Variants in RIPK4 observed in about 807,000 individuals in gnomAD.
The protein encoded by RIPK4 is receptor interacting serine/threonine kinase 4, also known as receptor-interacting serine/threonine-protein kinase 4.
A neutral mutation model predicts 42.9 loss-of-function variants in RIPK4; 17 were observed. The observed-to-expected ratio is 0.40, with a 90% CI of 0.27 to 0.59. The LOEUF (loss-of-function observed/expected upper bound fraction) is 0.59. Ranked by LOEUF, RIPK4 falls within the 20% of genes least tolerant of loss-of-function variation. The pLI is 0.47. For synonymous variants in RIPK4, 498 were observed against 499.1 expected (o/e 1.00, Z 0.03); for missense variants, 897 against 1,104.4 (o/e 0.81, Z 2.66).
At position 41,766,943 on chromosome 21, in the gene RIPK4, G is replaced by C. The variant is rs1250176659; in HGVS notation, c.99C>G (p.Phe33Leu). The change falls in exon 1 of 8, where the codon TTC becomes TTG. Residue 33 changes from phenylalanine (F) to leucine (L), a missense_variant. Physicochemically the swap from Phe to Leu is conservative, Grantham distance 22. Coordinates refer to ENST00000332512, the MANE Select transcript of RIPK4 (RefSeq NM_020639.3). ...CATGGCGCACCTTGTACACCTGCCC[G>C]AAGCCGCCCGAGCCCACCTTCTCCC... Reference protein sequence around the residue: ...TGWEKVGSGGFGQVYKVRHVH... With the variant: ...TGWEKVGSGGLGQVYKVRHVH... 2 of 1,609,306 alleles carry C rather than the reference G, an allele frequency of 1.2e-6. No homozygotes were observed. Among genetic ancestry groups the C allele is most frequent in the Non-Finnish European group, 1.7e-6 (2 of 1,178,236 alleles).
rs1175261184 is a variant in RIPK4, at chr21:41,755,671, G to A, written c.474+854C>T. On this transcript the variant is annotated intron_variant, in intron 2 of 7. Coordinates refer to ENST00000332512, the MANE Select transcript of RIPK4 (RefSeq NM_020639.3). The surrounding 1 kb of genome is among the most constrained non-coding windows in gnomAD (Gnocchi z 4.2). Reference sequence around the variant, plus strand: ...GGCTCTCGGCTCCTTCTCACTCCCAGGGCAGACACCAGTGTCATGTGGACC... The same window carrying A: ...GGCTCTCGGCTCCTTCTCACTCCCAAGGCAGACACCAGTGTCATGTGGACC... Among the ~76,000 whole-genome samples, 1 of 152,168 alleles carries A rather than the reference G, an allele frequency of 6.6e-6. No individual in the cohort carries two copies.
intron 6 of RIPK4, among the ~76,000 whole-genome samples, chr21:41,744,354 C>T (rs1465098553): frequency 1.3e-5 from 2 of 151,632 alleles, no homozygotes; most frequent in East Asian, 3.9e-4. Context: ...GTCCACACAG[C>T]GCCGCGGAGC....
Position 41,751,725 on chromosome 21 carries a change from G to A in RIPK4, c.475-480C>T, listed in dbSNP as rs932619528. Among the ~76,000 whole-genome samples the A allele has an allele frequency of 6.6e-6, 1 of 152,214 alleles. No homozygotes were observed. Among genetic ancestry groups the A allele is most frequent in the Non-Finnish European group, 1.5e-5 (1 of 68,026 alleles). ...TGGGGAGGCTGGCGGGCAAGTGGCTGCAAGTCCTTTAAAGGGAAACACAGA... is the reference window on the plus strand; with the variant it reads ...TGGGGAGGCTGGCGGGCAAGTGGCTACAAGTCCTTTAAAGGGAAACACAGA... On this transcript the variant is annotated intron_variant, in intron 2 of 7. Transcript: ENST00000332512. This position sits in a 1 kb window ranked among gnomAD's most constrained non-coding sequence, Gnocchi z 4.5.
Position 41,751,340 on chromosome 21 carries a change from G to T in RIPK4, c.475-95C>A. The stretch of plus-strand genomic sequence containing the variant: ...GCTCCCTTCTGCAATCTCAGAGGGT[G>T]GGTGAGAGCTTTCCAGGAGCCCCTA... On this transcript the variant is annotated intron_variant, in intron 2 of 7. Transcript: ENST00000332512. The surrounding 1 kb of genome is among the most constrained non-coding windows in gnomAD (Gnocchi z 4.5). The T allele has an allele frequency of 6.6e-7, 1 of 1,505,128 alleles. No homozygotes were observed. The allele number at this position is 1,505,128 out of a possible 1,614,324, so 93.2% of individuals were successfully genotyped here.
chr21:41,741,571 A>C lies in RIPK4; in HGVS notation c.1622T>G (p.Met541Arg). The change falls in exon 8 of 8, where the codon ATG (methionine) becomes AGG (arginine). Residue 541 changes from methionine (M) to arginine (R), a missense_variant. Physicochemically the swap from Met to Arg is moderately conservative, Grantham distance 91. Coordinates refer to ENST00000332512, the MANE Select transcript of RIPK4 (RefSeq NM_020639.3). Reference sequence around the variant, plus strand: ...CTGCCCGTGCTGGCAGGCCACGTGCATGGGCGTCCGGCCCTCAAAGTCCAC... The same window carrying C: ...CTGCCCGTGCTGGCAGGCCACGTGCCTGGGCGTCCGGCCCTCAAAGTCCAC... ...NEVDFEGRTP[M>R]HVACQHGQEN... 1 of 1,611,916 alleles carries C rather than the reference A, an allele frequency of 6.2e-7. No homozygotes were observed. Among genetic ancestry groups the C allele is most frequent in the South Asian group, 1.1e-5 (1 of 91,092 alleles).
intron 1 of RIPK4, 42 bp from the exon 2 acceptor site, chr21:41,756,858 C>A: frequency 6.3e-7 from 1 of 1,584,562 alleles, no homozygotes; most frequent in South Asian, 1.1e-5. Context: ...AATGGTCACT[C>A]AGCCACAAAC....
At position 41,751,333 on chromosome 21, in the gene RIPK4, A is replaced by C; in HGVS notation, c.475-88T>G. 33 of 1,536,416 alleles carry C rather than the reference A, an allele frequency of 2.1e-5. No individual in the cohort carries two copies. The highest frequency in any genetic ancestry group is 2.8e-5 in the Non-Finnish European group (32 of 1,132,218). On this transcript the variant is annotated intron_variant, in intron 2 of 7. Transcript: ENST00000332512. The surrounding 1 kb of genome is among the most constrained non-coding windows in gnomAD (Gnocchi z 4.5). ...ATCAAAAGCTCCCTTCTGCAATCTC[A>C]GAGGGTGGGTGAGAGCTTTCCAGGA...
At chr21:41,766,784 C>A in intron 1 of RIPK4, 76 bp downstream of exon 1, 1 of 1,452,896 alleles carries the variant, frequency 6.9e-7, no homozygotes, top group South Asian at 1.3e-5. Context: ...AGAGGCAGGA[C>A]CCCGGGACCA....
intron 1 of RIPK4, among the ~76,000 whole-genome samples, chr21:41,762,539 C>T (rs536757240): frequency 2.0e-5 from 3 of 152,184 alleles, no homozygotes; most frequent in Non-Finnish European, 1.5e-5. Context: ...TGTCGCCCGG[C>T]GGCATTTGCA....
At chr21:41,743,128 C>A (rs7278103) in intron 7 of RIPK4, among the ~76,000 whole-genome samples, 18,239 of 152,120 alleles carry the variant, frequency 0.12, 1,269 homozygotes, top group East Asian at 0.3. Flanking sequence ...GAGATTGCAG[C>A]CTTGGCCCTC....
At position 41,756,811 on chromosome 21, in the gene RIPK4, C is replaced by A. The variant is rs1347063857; in HGVS notation, c.188G>T (p.Arg63Leu). 1.2e-6 allele frequency: 2 copies of A among 1,611,230 alleles called. No individual in the cohort carries two copies. Among genetic ancestry groups the A allele is most frequent in the Non-Finnish European group, 8.5e-7 (1 of 1,177,904 alleles). The change falls in exon 2 of 8, where the codon CGC (arginine) becomes CTC (leucine). Residue 63 changes from arginine to leucine, a missense_variant. Coordinates refer to ENST00000332512, the MANE Select transcript of RIPK4 (RefSeq NM_020639.3). ...CTTGGCTTCTTCCAAAAGCTCCATG[C>A]GCTCCCTGAAAAAGTTCAAAGGCAT... The part of the protein sequence containing the change: ...SPSLHVDDRE[R>L]MELLEEAKKM...
intron 6 of RIPK4, among the ~76,000 whole-genome samples, chr21:41,745,414 G>A (rs142722358): frequency 7.9e-5 from 12 of 152,300 alleles, no homozygotes; most frequent in African/African-American, 2.2e-4. Flanking sequence ...CTGGATCCCC[G>A]AGCCAGGGGT....
Position 41,741,648 on chromosome 21 carries a change from C to T in RIPK4, c.1545G>A (p.Gly515=), listed in dbSNP as rs1273767052. The T allele has an allele frequency of 3.7e-6, 6 of 1,613,526 alleles. No homozygotes were observed. The highest frequency in any genetic ancestry group is 4.2e-6 in the Non-Finnish European group (5 of 1,180,012). The change falls in exon 8 of 8, where the codon GGG becomes GGA. Residue 515 remains glycine (G), a synonymous_variant. Coordinates refer to ENST00000332512, the MANE Select transcript of RIPK4 (RefSeq NM_020639.3). The stretch of plus-strand genomic sequence containing the variant: ...ACAGCAGCCGTGTGCTAGACTCGTC[C>T]CCGTTCTGGGCTGCAAAGTGGAGGG... ...WTALHFAAQN[G]DESSTRLLLE...
chr21:41,744,358 G>A (rs1259447376), intron 6 of RIPK4, among the ~76,000 whole-genome samples: 1 of 151,802 alleles, frequency 6.6e-6, no homozygotes, highest in East Asian at 1.9e-4. Context: ...ACACAGCGCC[G>A]CGGAGCTCAG....
rs1366141676 is a variant in RIPK4 at position 41,741,674 on chromosome 21, C to T, written c.1519G>A (p.Ala507Thr). 1.2e-6 allele frequency: 2 copies of T among 1,613,772 alleles called. No individual in the cohort carries two copies. The highest frequency in any genetic ancestry group is 1.7e-5 in the Admixed American group (1 of 60,030). Residue 507 changes from alanine (A) to threonine (T), a missense_variant, in exon 8 of 8, where the codon GCC becomes ACC. By Grantham distance (58) the Ala-to-Thr change is moderately conservative. Transcript: ENST00000332512. The part of the protein sequence containing the change: ...VNAKDEDQWT[A>T]LHFAAQNGDE... The stretch of plus-strand genomic sequence containing the variant: ...CCGTTCTGGGCTGCAAAGTGGAGGG[C>T]TGTCCACTGGTCCTCATCCTTGGCG...
chr21:41,746,642 C>T lies in RIPK4; in HGVS notation c.803G>A (p.Gly268Glu). Residue 268 changes from glycine (G) to glutamate (E), a missense_variant, in exon 5 of 8, where the codon GGG becomes GAG. By Grantham distance (98) the Gly-to-Glu change is moderately conservative. Coordinates refer to ENST00000332512, the MANE Select transcript of RIPK4 (RefSeq NM_020639.3). ...LIRLMQRCWQ[G>E]DPRVRPTFQE... ...GAAGGTGGGCCTAACTCGCGGATCC[C>T]CCTGCCAGCACCGCTGCATGAGGCG... The T allele has an allele frequency of 1.2e-6, 2 of 1,610,808 alleles. No homozygotes were observed. The highest frequency in any genetic ancestry group is 1.7e-6 in the Non-Finnish European group (2 of 1,179,782).
In RIPK4 at chr21:41,742,474, C is replaced by T. The variant is rs757789121; in HGVS notation, c.1196-477G>A. On this transcript the variant is annotated intron_variant, in intron 7 of 7. Transcript: ENST00000332512. This position sits in a 1 kb window ranked among gnomAD's most constrained non-coding sequence, Gnocchi z 5.1. Reference sequence around the variant, plus strand: ...GGCTGCTCCAGCTCTTGCCCCACCTCGAAGTGGCACCTCCTGACCTGGGGA... The same window carrying T: ...GGCTGCTCCAGCTCTTGCCCCACCTTGAAGTGGCACCTCCTGACCTGGGGA... 1.3e-5 allele frequency among the ~76,000 whole-genome samples: 2 copies of T among 152,184 alleles called. No individual in the cohort carries two copies. Among genetic ancestry groups the T allele is most frequent in the African/African-American group, 2.4e-5 (1 of 41,450 alleles).
chr21:41,764,969 A>C (rs760679265), intron 1 of RIPK4, among the ~76,000 whole-genome samples: 1 of 152,226 alleles, frequency 6.6e-6, no homozygotes, highest in Non-Finnish European at 1.5e-5. Context: ...AAAGGCTTCC[A>C]GTTAAAGTAC....
chr21:41,743,149 G>A (rs2061159835), intron 7 of RIPK4, among the ~76,000 whole-genome samples: 1 of 151,770 alleles, frequency 6.6e-6, no homozygotes, highest in South Asian at 2.1e-4. Flanking sequence ...AGCCCCCGTG[G>A]CTGTAGCCCT....
Sources: gnomAD v4.1 joint callset for allele counts (sites outside exome capture counted in the v4.1 genomes callset) on GRCh38, gnomAD v4.1.1 for gene constraint, Gnocchi (gnomAD v3.1) non-coding constraint, MANE v1.5 for transcripts, NCBI Gene and HGNC (gene_info 2026-07-23, HGNC 2026-07-21) for gene names.